PDGFC: variants seen among roughly 807,000 people sequenced by gnomAD.
The protein encoded by PDGFC is platelet derived growth factor C.
A neutral mutation model predicts 35.5 loss-of-function variants in PDGFC; 12 were observed. The observed-to-expected ratio is 0.34, with a 90% CI of 0.22 to 0.55. The LOEUF (loss-of-function observed/expected upper bound fraction) is 0.55. Ranked by LOEUF, PDGFC falls within the 20% of genes least tolerant of loss-of-function variation. The probability of loss-of-function intolerance (pLI) is 0.91; values close to 1 mark genes in which losing one functional copy is unlikely to be tolerated. For synonymous variants in PDGFC, 159 were observed against 148.8 expected (o/e 1.07, Z -0.50); for missense variants, 322 against 412.4 (o/e 0.78, Z 1.90).
chr4:156,830,928 T>C (rs183692853), intron 2 of PDGFC, among the ~76,000 whole-genome samples: 3 of 152,306 alleles, frequency 2.0e-5, no homozygotes, highest in South Asian at 2.1e-4. Flanking sequence ...GAGATTGCAA[T>C]GTCTTTGCAG....
chr4:156,771,105 C>T (rs925375937), intron 4 of PDGFC, among the ~76,000 whole-genome samples: 13 of 152,148 alleles, frequency 8.5e-5, no homozygotes, highest in African/African-American at 3.1e-4. Flanking sequence ...TGGAAAACTG[C>T]AAAGGGCTTC....
intron 3 of PDGFC, among the ~76,000 whole-genome samples, chr4:156,798,536 G>A (rs747059713): frequency 6.6e-6 from 1 of 152,178 alleles, no homozygotes; most frequent in Non-Finnish European, 1.5e-5. Flanking sequence ...CTGGGTAGAA[G>A]TGAGAGTTCT....
intron 1 of PDGFC, among the ~76,000 whole-genome samples, chr4:156,942,275 G>T (rs1267556375): frequency 6.6e-6 from 1 of 151,924 alleles, no homozygotes; most frequent in East Asian, 1.9e-4. Flanking sequence ...ACGCAAACAG[G>T]ATTCAAAAAG....
intron 1 of PDGFC, among the ~76,000 whole-genome samples, chr4:156,900,072 AATC>A (rs1445140468): frequency 6.6e-6 from 1 of 152,198 alleles, no homozygotes; most frequent in Non-Finnish European, 1.5e-5. Context: ...AGAAAACTTG[AATC>A]AAAGATATGT....
chr4:156,922,055 G>T (rs1193119131), intron 1 of PDGFC, among the ~76,000 whole-genome samples: 1 of 152,076 alleles, frequency 6.6e-6, no homozygotes, highest in Admixed American at 6.6e-5. Context: ...TGAGAAATCA[G>T]AAAATGAAAA....
At chr4:156,787,898 T>C (rs116117551) in intron 3 of PDGFC, among the ~76,000 whole-genome samples, 1 of 151,948 alleles carries the variant, frequency 6.6e-6, no homozygotes, top group East Asian at 1.9e-4. Context: ...AGAGTGAGGA[T>C]GGGAGAAATA....
intron 1 of PDGFC, among the ~76,000 whole-genome samples, chr4:156,880,886 T>C (rs764339077): frequency 2.0e-5 from 3 of 152,190 alleles, no homozygotes; most frequent in Non-Finnish European, 4.4e-5. Context: ...AAGAAAGTGA[T>C]TTCTGGAGAT....
intron 4 of PDGFC, chr4:156,770,261 AG>A (rs1407608759): frequency 6.6e-6 from 1 of 152,032 alleles, no homozygotes; most frequent in Non-Finnish European, 1.5e-5. Context: ...AGCAGTAGCA[AG>A]GTATGAATGA....
intron 3 of PDGFC, among the ~76,000 whole-genome samples, chr4:156,801,146 A>T (rs76046957): frequency 1.4e-3 from 212 of 152,246 alleles, no homozygotes; most frequent in African/African-American, 4.7e-3. Flanking sequence ...AGCTCCACTC[A>T]GACTCTTAAC....
chr4:156,839,739 AGT>A (rs370186398), intron 2 of PDGFC, among the ~76,000 whole-genome samples: 30 of 152,326 alleles, frequency 2.0e-4, no homozygotes, highest in Admixed American at 3.3e-4. Context: ...GATTTGGGAA[AGT>A]GTGGAAATTC....
At chr4:156,772,122 T>A (rs567218839) in intron 4 of PDGFC, among the ~76,000 whole-genome samples, 2 of 150,356 alleles carry the variant, frequency 1.3e-5, no homozygotes, top group Non-Finnish European at 2.9e-5. Context: ...TGGGTTCTTT[T>A]AGGTTCTTGT....
chr4:156,804,211 T>C (rs1185189672), intron 3 of PDGFC, among the ~76,000 whole-genome samples: 4 of 151,666 alleles, frequency 2.6e-5, no homozygotes, highest in Non-Finnish European at 5.9e-5. Context: ...TAAAAATAAA[T>C]AAATAAACAA....
intron 1 of PDGFC, among the ~76,000 whole-genome samples, chr4:156,910,542 G>A (rs1424921080): frequency 6.6e-6 from 1 of 152,042 alleles, no homozygotes; most frequent in Non-Finnish European, 1.5e-5. Flanking sequence ...TCACTTATCT[G>A]AAATAAATGT....
intron 1 of PDGFC, among the ~76,000 whole-genome samples, chr4:156,870,261 T>G (rs1729947810): frequency 1.3e-5 from 2 of 152,192 alleles, no homozygotes; most frequent in African/African-American, 2.4e-5. Context: ...ACAAGTTTTT[T>G]CTCTTATTAG....
At chr4:156,955,538 C>T (rs1276611992) in intron 1 of PDGFC, among the ~76,000 whole-genome samples, 1 of 151,874 alleles carries the variant, frequency 6.6e-6, no homozygotes, top group African/African-American at 2.4e-5. Context: ...ATACTCAAAG[C>T]TGGGAAAAAC....
intron 1 of PDGFC, among the ~76,000 whole-genome samples, chr4:156,951,534 G>T (rs1445314363): frequency 2.0e-5 from 3 of 151,498 alleles, no homozygotes; most frequent in African/African-American, 7.3e-5. Flanking sequence ...AATTAACCAG[G>T]ATTTCTGAGT....
At position 156,946,476 on chromosome 4, in the gene PDGFC, C is replaced by G. The variant is rs191914485; in HGVS notation, c.118+24310G>C. 8.0e-4 allele frequency among the ~76,000 whole-genome samples: 122 copies of G among 152,010 alleles called. No homozygotes were observed. In the South Asian group the frequency reaches 0.012, roughly 15 times the overall value. ...TTTCCACCTTTGTGATGAAAAATGGCCTTGGTATTATTTTATTTAATGAGC... is the reference window on the plus strand; with the variant it reads ...TTTCCACCTTTGTGATGAAAAATGGGCTTGGTATTATTTTATTTAATGAGC... On this transcript the variant is annotated intron_variant, in intron 1 of 5. Coordinates refer to ENST00000502773, the MANE Select transcript of PDGFC (RefSeq NM_016205.3).
intron 1 of PDGFC, among the ~76,000 whole-genome samples, chr4:156,945,985 T>C (rs1407625306): frequency 1.3e-5 from 2 of 152,130 alleles, no homozygotes; most frequent in African/African-American, 2.4e-5. Context: ...CATATTTGAT[T>C]TGGCAATAGT....
At chr4:156,813,067 G>A (rs543020237) in intron 2 of PDGFC, among the ~76,000 whole-genome samples, 1 of 152,170 alleles carries the variant, frequency 6.6e-6, no homozygotes, top group East Asian at 1.9e-4. Context: ...GGAAGGGTTA[G>A]GCAGTGTATG....
Sources: allele counts gnomAD v4.1 joint callset (sites outside exome capture counted in the v4.1 genomes callset), GRCh38; gene constraint gnomAD v4.1.1; transcripts MANE v1.5; gene names NCBI Gene and HGNC (gene_info 2026-07-23, HGNC 2026-07-21).